EXD2: variants seen among roughly 807,000 people sequenced by gnomAD.
EXD2 encodes exonuclease 3'-5' domain-containing protein 2.
EXD2 carries 40 observed loss-of-function variants against 62.5 expected under a neutral mutation model. That is an observed-to-expected ratio of 0.64 (90% CI 0.50 to 0.83). The LOEUF is 0.83. Ranked by LOEUF, EXD2 falls within the 40% of genes least tolerant of loss-of-function variation. The pLI, the probability that EXD2 is intolerant of heterozygous loss-of-function variation, is 0.00. For synonymous variants in EXD2, 239 were observed against 291.9 expected, an observed-to-expected ratio of 0.82 and a Z score of 1.85; for missense variants, 671 against 761.8, an observed-to-expected ratio of 0.88 and a Z score of 1.40.
rs569637015 is a variant in EXD2 at position 69,199,293 on chromosome 14, G to C, written c.-131-4624G>C. On this transcript the variant is annotated intron_variant, in intron 1 of 9. Coordinates refer to ENST00000685843, the MANE Select transcript of EXD2 (RefSeq NM_001193360.2). ...TTATGTAGGGTATCTACCATGCATG[G>C]AGCTTGCAGGACTGGAAGTTGCTCT... Among the ~76,000 whole-genome samples the C allele has an allele frequency of 6.0e-4, 91 of 152,322 alleles. 1 individual carries two copies. The Middle Eastern group carries it at 0.01, about 17-fold the overall frequency.
At chr14:69,215,350 T>C (rs796820284) in intron 3 of EXD2, among the ~76,000 whole-genome samples, 8 of 151,078 alleles carry the variant, frequency 5.3e-5, no homozygotes, top group African/African-American at 2.0e-4. Context: ...CAATATATCA[T>C]TTACATTTGG....
intron 9 of EXD2, 30 bp downstream of exon 9, chr14:69,237,961 C>T: frequency 6.6e-7 from 1 of 1,516,702 alleles, no homozygotes; most frequent in Non-Finnish European, 8.8e-7. Context: ...TGGAATGTAC[C>T]AGGGACATTA....
chr14:69,209,921 C>A, intron 3 of EXD2, 118 bp downstream of exon 3: 2 of 843,020 alleles, frequency 2.4e-6, no homozygotes, highest in Non-Finnish European at 1.7e-6. Context: ...AGCTTGTTCT[C>A]AACTTGCTTA....
In EXD2 at chr14:69,242,766, TAGTC is replaced by T. The variant is rs1231764432; in HGVS notation, c.*1669_*1672del. On this transcript the variant is annotated 3_prime_UTR_variant, in exon 10 of 10. Coordinates refer to ENST00000685843, the MANE Select transcript of EXD2 (RefSeq NM_001193360.2). The stretch of plus-strand genomic sequence containing the variant: ...GAGGCTGGTACTTGGGTTGTGGTAA[TAGTC>T]AGGCTTGCCACAAGAGGGCACTCAT... 4 of 152,184 alleles carry T rather than the reference TAGTC, an allele frequency of 2.6e-5. No individual in the cohort carries two copies. Among genetic ancestry groups the T allele is most frequent in the African/African-American group, 7.2e-5 (3 of 41,440 alleles). 9.4% of individuals were successfully genotyped at this position (152,184 alleles called of 1,614,324 possible).
chr14:69,211,233 T>C (rs560739245), intron 3 of EXD2, among the ~76,000 whole-genome samples: 2 of 152,190 alleles, frequency 1.3e-5, no homozygotes, highest in East Asian at 3.9e-4. Flanking sequence ...TCTTTTGTTG[T>C]CATTTCAACA....
chr14:69,199,552 A>C (rs930121043), intron 1 of EXD2, among the ~76,000 whole-genome samples: 1 of 152,218 alleles, frequency 6.6e-6, no homozygotes, highest in Non-Finnish European at 1.5e-5. Flanking sequence ...TATGTTGTAC[A>C]GCTGTATAAA....
Position 69,241,603 on chromosome 14 carries a change from C to A in EXD2, c.*503C>A. 1 of 359,758 alleles carries A rather than the reference C, an allele frequency of 2.8e-6. No individual in the cohort carries two copies. The allele number at this position is 359,758 out of a possible 1,614,324, so 22.3% of individuals were successfully genotyped here. The stretch of plus-strand genomic sequence containing the variant: ...CAATTCAACTTCATAATTATCATTT[C>A]TTTGGCTTCATGCTCTCCCGTAACT... On this transcript the variant is annotated 3_prime_UTR_variant, in exon 10 of 10. Transcript: ENST00000685843.
chr14:69,212,415 C>T (rs2042838793), intron 3 of EXD2, among the ~76,000 whole-genome samples: 1 of 152,064 alleles, frequency 6.6e-6, no homozygotes, highest in African/African-American at 2.4e-5. Context: ...AATGAAAAAT[C>T]ATCCATTCTT....
intron 2 of EXD2, among the ~76,000 whole-genome samples, chr14:69,206,167 C>T (rs951223910): frequency 1.3e-5 from 2 of 151,942 alleles, no homozygotes; most frequent in African/African-American, 4.8e-5. Flanking sequence ...GCTGTCTGTC[C>T]GCCTTGGCCT....
At chr14:69,203,180 T>G (rs2042465652) in intron 1 of EXD2, among the ~76,000 whole-genome samples, 1 of 152,090 alleles carries the variant, frequency 6.6e-6, no homozygotes, top group South Asian at 2.1e-4. Context: ...CATCTCAGCC[T>G]CCTCAGTAGC....
Position 69,242,452 on chromosome 14 carries a change from C to A in EXD2, c.*1352C>A, listed in dbSNP as rs1450873494. ...TATCCTACAGGTCCCTGCCTCCTGG[C>A]AGTGCCATGGTATGTGTGCATGGAT... is the stretch of plus-strand genomic sequence containing the variant. On this transcript the variant is annotated 3_prime_UTR_variant, in exon 10 of 10. Coordinates refer to ENST00000685843, the MANE Select transcript of EXD2 (RefSeq NM_001193360.2). The A allele has an allele frequency of 6.4e-6, 1 of 156,634 alleles. No individual in the cohort carries two copies. The highest frequency in any genetic ancestry group is 2.4e-5 in the African/African-American group (1 of 41,696). The allele number at this position is 156,634 out of a possible 1,614,324, so 9.7% of individuals were successfully genotyped here. A position where few individuals can be genotyped will look rare whatever the true frequency, so the allele number is the denominator to read the frequency against.
At chr14:69,226,004 T>C (rs952636522) in intron 3 of EXD2, among the ~76,000 whole-genome samples, 1 of 152,214 alleles carries the variant, frequency 6.6e-6, no homozygotes. Flanking sequence ...ATGTATTTTA[T>C]CTTTTCTTTT....
intron 3 of EXD2, 42 bp downstream of exon 3, chr14:69,209,845 A>AAAAAT: frequency 7.5e-7 from 1 of 1,338,434 alleles, no homozygotes; most frequent in Non-Finnish European, 9.9e-7. Flanking sequence ...AAAAAAAACA[A>AAAAAT]CTTCTGCTTT....
rs1373614464 is a variant in EXD2 at position 69,215,296 on chromosome 14, A to ATGTGTGTG, written c.333+5494_333+5495insGTGTGTGT. The stretch of plus-strand genomic sequence containing the variant: ...CACAGCGAGACTCCATCTCAAAAAT[A>ATGTGTGTG]TATGTGTGTGTGTGTGTGTGTGTGT... On this transcript the variant is annotated intron_variant, in intron 3 of 9. Coordinates refer to ENST00000685843, the MANE Select transcript of EXD2 (RefSeq NM_001193360.2). Among the ~76,000 whole-genome samples the ATGTGTGTG allele has an allele frequency of 7.8e-3, 463 of 59,666 alleles. 2 individuals are homozygous for ATGTGTGTG. The highest frequency in any genetic ancestry group is 0.022 in the African/African-American group (435 of 19,690). The allele number at this position is 59,666 out of a possible 152,430, so 39.1% of individuals were successfully genotyped here.
chr14:69,227,404 GA>G (rs1438118560), intron 3 of EXD2, among the ~76,000 whole-genome samples: 1 of 152,226 alleles, frequency 6.6e-6, no homozygotes, highest in African/African-American at 2.4e-5. Context: ...AGAAGGATTA[GA>G]ATTTATTGGG....
At chr14:69,239,333 G>T (rs1315318412) in intron 9 of EXD2, 2 of 152,226 alleles carry the variant, frequency 1.3e-5, no homozygotes, top group Non-Finnish European at 2.9e-5. Flanking sequence ...TGAAATAAGG[G>T]AACTGATAAG....
Position 69,209,821 on chromosome 14 carries a change from A to C in EXD2, c.333+18A>C. On this transcript the variant is annotated intron_variant, in intron 3 of 9. Coordinates refer to ENST00000685843, the MANE Select transcript of EXD2 (RefSeq NM_001193360.2). ...GTGAGTGGGTAAGTTAAAAAGCAAAAGTTAAAAAAAAAAAAAAAAAACAAC... is the reference window on the plus strand; with the variant it reads ...GTGAGTGGGTAAGTTAAAAAGCAAACGTTAAAAAAAAAAAAAAAAAACAAC... 2 of 1,359,550 alleles carry C rather than the reference A, an allele frequency of 1.5e-6. No individual in the cohort carries two copies. The highest frequency in any genetic ancestry group is 1.9e-6 in the Non-Finnish European group (2 of 1,031,430). 84.2% of individuals were successfully genotyped at this position (1,359,550 alleles called of 1,614,324 possible).
intron 1 of EXD2, among the ~76,000 whole-genome samples, chr14:69,192,244 A>T (rs533346875): frequency 4.6e-5 from 7 of 152,300 alleles, no homozygotes; most frequent in African/African-American, 1.7e-4. Flanking sequence ...TGATTCCAAC[A>T]TTCAAACTCC....
intron 2 of EXD2, among the ~76,000 whole-genome samples, chr14:69,206,257 C>T (rs1002976291): frequency 2.0e-5 from 3 of 151,892 alleles, no homozygotes; most frequent in African/African-American, 7.3e-5. Context: ...CTGTTCATGC[C>T]TTTGGCCTGG....
Sources: allele counts gnomAD v4.1 joint callset (sites outside exome capture counted in the v4.1 genomes callset), GRCh38; gene constraint gnomAD v4.1.1; transcripts MANE v1.5; gene names NCBI Gene and HGNC (gene_info 2026-07-23, HGNC 2026-07-21).